Variants in TLL2 observed in about 807,000 individuals in gnomAD.
The protein encoded by TLL2 is tolloid-like protein 2.
Under a neutral mutation model 123.0 loss-of-function variants are expected in TLL2, and 106 were observed. The observed-to-expected ratio is 0.86, with a 90% confidence interval of 0.74 to 1.01. TLL2 has a LOEUF of 1.01. Among genes scored for constraint, TLL2 ranks in the 50% least tolerant of loss-of-function variants. The pLI, the probability that TLL2 is intolerant of heterozygous loss-of-function variation, is 0.00. For missense variants in TLL2, 1,332 were observed against 1,336.7 expected (o/e 1.00, Z 0.06); for synonymous variants, 494 against 516.8 (o/e 0.96, Z 0.60).
intron 20 of TLL2, among the ~76,000 whole-genome samples, chr10:96,368,448 A>G (rs1267838632): frequency 6.6e-6 from 1 of 152,226 alleles, no homozygotes; most frequent in Non-Finnish European, 1.5e-5. Context: ...TGCATAGCTC[A>G]TATAGAATCT....
At chr10:96,392,062 A>G (rs574595950) in intron 13 of TLL2, among the ~76,000 whole-genome samples, 20 of 152,326 alleles carry the variant, frequency 1.3e-4, no homozygotes, top group Admixed American at 7.2e-4. Flanking sequence ...CACCATGAGC[A>G]CTTGAGGACA....
In TLL2 at chr10:96,422,733, C is replaced by T; in HGVS notation, c.639-6G>A. 6.2e-7 allele frequency: 1 copy of T among 1,614,050 alleles called. No individual in the cohort carries two copies. The highest frequency in any genetic ancestry group is 8.5e-7 in the Non-Finnish European group (1 of 1,180,000). On this transcript the variant is annotated splice_polypyrimidine_tract_variant and splice_region_variant and intron_variant, in intron 5 of 20. Transcript: ENST00000357947. ...GCCCAACATAGGAGCAACAGCTGGA[C>T]AATTGCAGGAATACCCAGGTCAGCA...
chr10:96,471,909 C>T (rs1427547964), intron 2 of TLL2, among the ~76,000 whole-genome samples: 1 of 151,944 alleles, frequency 6.6e-6, no homozygotes, highest in African/African-American at 2.4e-5. Flanking sequence ...TGTCTGTGTG[C>T]GTGCGTGTGT....
At chr10:96,411,002 G>T (rs1165359986) in intron 8 of TLL2, among the ~76,000 whole-genome samples, 1 of 152,144 alleles carries the variant, frequency 6.6e-6, no homozygotes, top group East Asian at 1.9e-4. Context: ...AGCACTTTGG[G>T]AGGCCAAGGC....
chr10:96,501,307 C>G (rs1033060628), intron 1 of TLL2, among the ~76,000 whole-genome samples: 1 of 152,336 alleles, frequency 6.6e-6, no homozygotes, highest in East Asian at 1.9e-4. Flanking sequence ...GTTTCAACCA[C>G]GACCTTGGGG....
At chr10:96,474,622 T>G (rs1847219101) in intron 2 of TLL2, among the ~76,000 whole-genome samples, 1 of 152,156 alleles carries the variant, frequency 6.6e-6, no homozygotes, top group Admixed American at 6.5e-5. Flanking sequence ...GTTGTGGACA[T>G]AGCATGAAGG....
intron 1 of TLL2, among the ~76,000 whole-genome samples, chr10:96,486,273 T>G (rs1249884846): frequency 6.6e-6 from 1 of 152,216 alleles, no homozygotes; most frequent in Non-Finnish European, 1.5e-5. Flanking sequence ...AATAGCATGC[T>G]GAAACCAAAA....
At chr10:96,494,387 C>A (rs1453623419) in intron 1 of TLL2, among the ~76,000 whole-genome samples, 3 of 152,220 alleles carry the variant, frequency 2.0e-5, no homozygotes, top group African/African-American at 7.2e-5. Context: ...AATGGCAGGC[C>A]CAGGGCAGCC....
chr10:96,396,006 C>T lies in TLL2; in HGVS notation c.1399G>A (p.Asp467Asn). Residue 467 changes from aspartate to asparagine, a missense_variant, in exon 12 of 21, where the codon GAC becomes AAC. Asp to Asn is a conservative substitution (Grantham distance 23). Coordinates refer to ENST00000357947, the MANE Select transcript of TLL2 (RefSeq NM_012465.4). ...FAAYEATCGGDMNKDAGQIQS... is the reference protein window; with the variant it reads ...FAAYEATCGGNMNKDAGQIQS... ...ATCTGACCGGCATCTTTGTTCATGT[C>T]TCCCCCGCAGGTAGCTTTAGAAAGA... is the stretch of plus-strand genomic sequence containing the variant. 6.2e-7 allele frequency: 1 copy of T among 1,614,136 alleles called. No homozygotes were observed. The highest frequency in any genetic ancestry group is 8.5e-7 in the Non-Finnish European group (1 of 1,180,002).
intron 2 of TLL2, among the ~76,000 whole-genome samples, chr10:96,462,864 T>C (rs913995854): frequency 6.6e-6 from 1 of 151,998 alleles, no homozygotes; most frequent in Non-Finnish European, 1.5e-5. Context: ...AATAGCAAAA[T>C]CACCAACAAA....
chr10:96,471,398 A>G (rs543895995), intron 2 of TLL2, among the ~76,000 whole-genome samples: 1 of 152,280 alleles, frequency 6.6e-6, no homozygotes, highest in Admixed American at 6.5e-5. Flanking sequence ...ACACTGATAC[A>G]GGCCCTGCTC....
At chr10:96,473,974 G>A (rs1847210548) in intron 2 of TLL2, among the ~76,000 whole-genome samples, 1 of 152,160 alleles carries the variant, frequency 6.6e-6, no homozygotes, top group Non-Finnish European at 1.5e-5. Context: ...GGGTGCAAGA[G>A]GGTCGGAAAG....
In TLL2 at chr10:96,397,180, A is replaced by G. The variant is rs377715986; in HGVS notation, c.1384+6T>C. On this transcript the variant is annotated splice_donor_region_variant and intron_variant, in intron 11 of 20. Coordinates refer to ENST00000357947, the MANE Select transcript of TLL2 (RefSeq NM_012465.4). ...CACCGAGCAGCTGCTTTCACCTCGC[A>G]CAAACCTTCGTACGCTGCAAAGAAG... 6.2e-7 allele frequency: 1 copy of G among 1,609,918 alleles called. No individual in the cohort carries two copies. Among genetic ancestry groups the G allele is most frequent in the Non-Finnish European group, 8.5e-7 (1 of 1,177,756 alleles).
chr10:96,505,373 C>T (rs1009876384), intron 1 of TLL2, among the ~76,000 whole-genome samples: 1 of 152,220 alleles, frequency 6.6e-6, no homozygotes, highest in Non-Finnish European at 1.5e-5. Context: ...GGTGGGGACA[C>T]AAAGCCAGAT....
intron 2 of TLL2, among the ~76,000 whole-genome samples, chr10:96,476,235 TATA>T (rs1281415453): frequency 4.6e-5 from 2 of 43,436 alleles, no homozygotes; most frequent in East Asian, 1.5e-3. Flanking sequence ...TATATATATA[TATA>T]TATTTTATTT....
chr10:96,483,953 G>A (rs1037370448), intron 1 of TLL2, among the ~76,000 whole-genome samples: 8 of 152,098 alleles, frequency 5.3e-5, no homozygotes, highest in Admixed American at 6.5e-5. Flanking sequence ...AGCGATTCTC[G>A]TTCCTCTACC....
chr10:96,412,159 G>A (rs542028899), intron 8 of TLL2, among the ~76,000 whole-genome samples: 3 of 152,210 alleles, frequency 2.0e-5, no homozygotes, highest in African/African-American at 4.8e-5. Flanking sequence ...GCCCTAACAC[G>A]CCCCCAGATG....
At chr10:96,377,501 C>T (rs555825396) in intron 17 of TLL2, among the ~76,000 whole-genome samples, 1 of 152,328 alleles carries the variant, frequency 6.6e-6, no homozygotes, top group South Asian at 2.1e-4. Flanking sequence ...TTCCATGCAT[C>T]CTCTCTTTTA....
chr10:96,471,421 C>G (rs1428176790), intron 2 of TLL2, among the ~76,000 whole-genome samples: 1 of 152,170 alleles, frequency 6.6e-6, no homozygotes, highest in Non-Finnish European at 1.5e-5. Context: ...GAGTCCCCTG[C>G]AGGTTCCGGA....
Sources: gnomAD v4.1 joint callset for allele counts (sites outside exome capture counted in the v4.1 genomes callset) on GRCh38, gnomAD v4.1.1 for gene constraint, MANE v1.5 for transcripts, NCBI Gene and HGNC (gene_info 2026-07-23, HGNC 2026-07-21) for gene names.